ZNF804A: variants seen among roughly 807,000 people sequenced by gnomAD.
ZNF804A encodes the protein zinc finger protein 804A.
In ZNF804A, 2 loss-of-function variants were observed where a neutral mutation model predicts 16.5. That is an observed-to-expected ratio of 0.12 (90% CI 0.05 to 0.38). ZNF804A has a LOEUF of 0.38. Ranked by LOEUF, ZNF804A falls within the 10% of genes least tolerant of loss-of-function variation. The probability of loss-of-function intolerance (pLI) is 0.99; values close to 1 mark genes in which losing one functional copy is unlikely to be tolerated. For synonymous variants in ZNF804A, 534 were observed against 489.6 expected, an observed-to-expected ratio of 1.09 and a Z score of -1.20; for missense variants, 1,473 against 1,390.7, an observed-to-expected ratio of 1.06 and a Z score of -0.94.
intron 1 of ZNF804A, among the ~76,000 whole-genome samples, chr2:184,699,499 A>G (rs1408821653): frequency 2.0e-5 from 3 of 152,066 alleles, no homozygotes; most frequent in Non-Finnish European, 4.4e-5. Context: ...GCATACCTTC[A>G]TTGTCAATGT....
At chr2:184,707,916 G>A (rs1401012117) in intron 1 of ZNF804A, among the ~76,000 whole-genome samples, 1 of 152,030 alleles carries the variant, frequency 6.6e-6, no homozygotes, top group Admixed American at 6.6e-5. Context: ...CAGTGTATAA[G>A]CATTTCCTTT....
chr2:184,795,899 A>G (rs1694623274), intron 1 of ZNF804A, among the ~76,000 whole-genome samples: 1 of 152,306 alleles, frequency 6.6e-6, no homozygotes, highest in East Asian at 1.9e-4. Context: ...GAACAGACCA[A>G]TAACAATCAG....
chr2:184,633,767 G>A (rs1170186692), intron 1 of ZNF804A, among the ~76,000 whole-genome samples: 3 of 152,102 alleles, frequency 2.0e-5, no homozygotes, highest in Non-Finnish European at 4.4e-5. Context: ...AATGTTTAAT[G>A]TAAAAAAAGA....
At chr2:184,661,937 G>A (rs1401308069) in intron 1 of ZNF804A, among the ~76,000 whole-genome samples, 1 of 152,080 alleles carries the variant, frequency 6.6e-6, no homozygotes, top group Non-Finnish European at 1.5e-5. Flanking sequence ...TTACATGCTT[G>A]AAAAATAAGC....
intron 1 of ZNF804A, among the ~76,000 whole-genome samples, chr2:184,811,288 A>G (rs1042757177): frequency 6.6e-6 from 1 of 152,200 alleles, no homozygotes; most frequent in South Asian, 2.1e-4. Context: ...TCATTCCTTT[A>G]TAGTGTCAGT....
chr2:184,776,397 T>G (rs2105771413), intron 1 of ZNF804A, among the ~76,000 whole-genome samples: 1 of 151,664 alleles, frequency 6.6e-6, no homozygotes, highest in East Asian at 1.9e-4. Context: ...TAAATTTTGT[T>G]TTATTAAAAA....
At chr2:184,806,245 CT>C (rs1694799802) in intron 1 of ZNF804A, among the ~76,000 whole-genome samples, 1 of 151,954 alleles carries the variant, frequency 6.6e-6, no homozygotes, top group Non-Finnish European at 1.5e-5. Context: ...GTAACTTCTG[CT>C]GGCAAAAATT....
At chr2:184,797,322 T>G (rs1694648407) in intron 1 of ZNF804A, among the ~76,000 whole-genome samples, 1 of 152,192 alleles carries the variant, frequency 6.6e-6, no homozygotes, top group Admixed American at 6.5e-5. Context: ...TTTAGGTGCA[T>G]ATATGTTTAA....
At chr2:184,831,510 G>C (rs548570021) in intron 1 of ZNF804A, among the ~76,000 whole-genome samples, 1 of 151,904 alleles carries the variant, frequency 6.6e-6, no homozygotes, top group Admixed American at 6.6e-5. Flanking sequence ...CAGTTTTTTT[G>C]TTCACATTGC....
At chr2:184,930,495 G>T (rs1685680482) in intron 2 of ZNF804A, among the ~76,000 whole-genome samples, 1 of 151,964 alleles carries the variant, frequency 6.6e-6, no homozygotes, top group Admixed American at 6.6e-5. Flanking sequence ...AAAATATATA[G>T]ATATATACAC....
Position 184,731,900 on chromosome 2 carries a change from G to A in ZNF804A, c.111+132830G>A, listed in dbSNP as rs138334656. 1.6e-4 allele frequency among the ~76,000 whole-genome samples: 24 copies of A among 152,074 alleles called. No homozygotes were observed. In the East Asian group the frequency reaches 4.1e-3, roughly 26 times the overall value. ...TTTTAACCCATTTCTTAATTGGGTC[G>A]TTTGTATCCTTATTAATAAACTGTT... On this transcript the variant is annotated intron_variant, in intron 1 of 3. Transcript: ENST00000302277.
chr2:184,844,200 CT>C (rs1307399696), intron 1 of ZNF804A, among the ~76,000 whole-genome samples: 1 of 150,394 alleles, frequency 6.6e-6, no homozygotes, highest in East Asian at 1.9e-4. Flanking sequence ...TCTTAAATTG[CT>C]GTGATTCATT....
At chr2:184,881,233 G>C (rs1308013744) in intron 2 of ZNF804A, among the ~76,000 whole-genome samples, 1 of 151,936 alleles carries the variant, frequency 6.6e-6, no homozygotes, top group East Asian at 1.9e-4. Context: ...AAGAATAAAG[G>C]GGAATGAATG....
chr2:184,895,148 A>C (rs2105824307), intron 2 of ZNF804A, among the ~76,000 whole-genome samples: 2 of 152,116 alleles, frequency 1.3e-5, no homozygotes, highest in South Asian at 4.1e-4. Context: ...GAAACTACAC[A>C]ACTAGTGTTC....
intron 1 of ZNF804A, among the ~76,000 whole-genome samples, chr2:184,846,123 G>A (rs1177253602): frequency 6.6e-6 from 1 of 152,052 alleles, no homozygotes; most frequent in Non-Finnish European, 1.5e-5. Context: ...TGAAACCAGA[G>A]GTCTTTATAA....
At chr2:184,896,698 A>T (rs1180603341) in intron 2 of ZNF804A, among the ~76,000 whole-genome samples, 1 of 152,098 alleles carries the variant, frequency 6.6e-6, no homozygotes, top group Non-Finnish European at 1.5e-5. Flanking sequence ...CTTTACAAGC[A>T]GTATATTTTT....
At position 184,704,781 on chromosome 2, in the gene ZNF804A, G is replaced by A. The variant is rs529032021; in HGVS notation, c.111+105711G>A. Among the ~76,000 whole-genome samples the A allele has an allele frequency of 1.4e-4, 22 of 152,240 alleles. No homozygotes were observed. The South Asian group carries it at 3.9e-3, about 27-fold the overall frequency. On this transcript the variant is annotated intron_variant, in intron 1 of 3. Coordinates refer to ENST00000302277, the MANE Select transcript of ZNF804A (RefSeq NM_194250.2). ...AATGAATCTCAAAGCACAAAAGTGA[G>A]GGACAATGCATTGACACTGGGAAGG... is the stretch of plus-strand genomic sequence containing the variant.
At chr2:184,700,552 AT>A (rs1692902501) in intron 1 of ZNF804A, among the ~76,000 whole-genome samples, 1 of 152,112 alleles carries the variant, frequency 6.6e-6, no homozygotes, top group African/African-American at 2.4e-5. Context: ...TAATAAAAAA[AT>A]GACTTATGAA....
At chr2:184,832,876 T>C (rs911607481) in intron 1 of ZNF804A, among the ~76,000 whole-genome samples, 45 of 152,124 alleles carry the variant, frequency 3.0e-4, no homozygotes, top group African/African-American at 1.0e-3. Context: ...ACATTGCCAA[T>C]AGAATTCATA....
Sources: gnomAD v4.1 joint callset for allele counts (sites outside exome capture counted in the v4.1 genomes callset) on GRCh38, gnomAD v4.1.1 for gene constraint, MANE v1.5 for transcripts, NCBI Gene and HGNC (gene_info 2026-07-23, HGNC 2026-07-21) for gene names.